SGCZ: variants seen among roughly 807,000 people sequenced by gnomAD.
SGCZ encodes the protein zeta-sarcoglycan.
Under a neutral mutation model 41.3 loss-of-function variants are expected in SGCZ, and 40 were observed. The observed-to-expected ratio is 0.97, with a 90% CI of 0.75 to 1.26. The LOEUF is 1.26. Among genes scored for constraint, SGCZ ranks in the 50% most tolerant of loss-of-function variants. SGCZ has a pLI of 0.00. For missense variants in SGCZ, 552 were observed against 369.8 expected (o/e 1.49, Z -4.04); for synonymous variants, 206 against 137.5 (o/e 1.50, Z -3.49).
chr8:14,458,718 T>A lies in SGCZ; in HGVS notation c.234+96014A>T, dbSNP rs116478319. On this transcript the variant is annotated intron_variant, in intron 2 of 7. Transcript: ENST00000382080. The stretch of plus-strand genomic sequence containing the variant: ...CTATCTATATATCTACCTACCTACC[T>A]ACCTATAATCTATCTATTTCCCAGC... 5.3e-3 allele frequency among the ~76,000 whole-genome samples: 807 copies of A among 152,266 alleles called. 4 individuals are homozygous for A. Among genetic ancestry groups the A allele is most frequent in the African/African-American group, 0.017 (719 of 41,544 alleles).
chr8:14,873,126 T>C (rs1379837112), intron 1 of SGCZ, among the ~76,000 whole-genome samples: 3 of 152,088 alleles, frequency 2.0e-5, no homozygotes, highest in Non-Finnish European at 2.9e-5. Context: ...GAGTGAAGTG[T>C]ATAAAAGTGA....
intron 2 of SGCZ, among the ~76,000 whole-genome samples, chr8:14,547,987 A>G (rs988759852): frequency 2.0e-5 from 3 of 152,204 alleles, no homozygotes; most frequent in African/African-American, 4.8e-5. Flanking sequence ...TTCACATGGC[A>G]GATAGGACCT....
At chr8:14,185,975 T>C (rs912985644) in intron 4 of SGCZ, among the ~76,000 whole-genome samples, 1 of 152,200 alleles carries the variant, frequency 6.6e-6, no homozygotes, top group Non-Finnish European at 1.5e-5. Flanking sequence ...TATGATTAGT[T>C]TGGATATCTA....
chr8:15,004,237 A>G (rs768988039), intron 1 of SGCZ, among the ~76,000 whole-genome samples: 10 of 152,166 alleles, frequency 6.6e-5, no homozygotes, highest in Non-Finnish European at 1.2e-4. Context: ...TGCACCAAGT[A>G]TAGATTTGAC....
At chr8:14,551,116 C>CTTT (rs75142255) in intron 2 of SGCZ, among the ~76,000 whole-genome samples, 1 of 137,594 alleles carries the variant, frequency 7.3e-6, no homozygotes, top group Non-Finnish European at 1.6e-5. Context: ...TATTGTAATT[C>CTTT]TTTTTTTTTT....
At chr8:15,144,095 T>C (rs943507716) in intron 1 of SGCZ, among the ~76,000 whole-genome samples, 5 of 151,416 alleles carry the variant, frequency 3.3e-5, no homozygotes, top group African/African-American at 1.2e-4. Context: ...TACCTTAACT[T>C]AGCAAAATAT....
At chr8:14,707,949 C>A (rs1054237540) in intron 1 of SGCZ, among the ~76,000 whole-genome samples, 6 of 151,816 alleles carry the variant, frequency 4.0e-5, no homozygotes, top group African/African-American at 1.5e-4. Context: ...GAGAATCAAG[C>A]ACAAATATAT....
intron 2 of SGCZ, among the ~76,000 whole-genome samples, chr8:14,457,822 C>A (rs1800791815): frequency 6.6e-6 from 1 of 152,184 alleles, no homozygotes; most frequent in African/African-American, 2.4e-5. Context: ...CCTGCCCCTT[C>A]TGCCTTGTAT....
At chr8:14,283,941 C>G (rs944234368) in intron 3 of SGCZ, among the ~76,000 whole-genome samples, 2 of 152,118 alleles carry the variant, frequency 1.3e-5, no homozygotes, top group African/African-American at 4.8e-5. Flanking sequence ...TATTTTGTTG[C>G]TTATTGGATA....
chr8:14,605,059 G>T (rs561441578), intron 1 of SGCZ, among the ~76,000 whole-genome samples: 1 of 152,046 alleles, frequency 6.6e-6, no homozygotes, highest in Admixed American at 6.5e-5. Flanking sequence ...TCCATTATTT[G>T]TTTCTAACTA....
intron 2 of SGCZ, among the ~76,000 whole-genome samples, chr8:14,550,251 A>G (rs1393187551): frequency 6.6e-6 from 1 of 151,762 alleles, no homozygotes; most frequent in Admixed American, 6.6e-5. Context: ...GATAATATAT[A>G]TTTTGTGCTA....
chr8:14,780,574 T>A (rs566948992), intron 1 of SGCZ, among the ~76,000 whole-genome samples: 1 of 152,002 alleles, frequency 6.6e-6, no homozygotes, highest in East Asian at 1.9e-4. Context: ...ATGAAAAAAA[T>A]ACTGAAGTTT....
In SGCZ at chr8:14,168,873, C is replaced by T. The variant is rs537291940; in HGVS notation, c.425-4171G>A. On this transcript the variant is annotated intron_variant, in intron 4 of 7. Coordinates refer to ENST00000382080, the MANE Select transcript of SGCZ (RefSeq NM_139167.4). Reference sequence around the variant, plus strand: ...ACAAAACTTCAAGTTAACCATTTAGCGGACTTACTATATGCTAGGCAGCAA... The same window carrying T: ...ACAAAACTTCAAGTTAACCATTTAGTGGACTTACTATATGCTAGGCAGCAA... 9.2e-5 allele frequency among the ~76,000 whole-genome samples: 14 copies of T among 152,208 alleles called. No individual in the cohort carries two copies. The South Asian group carries it at 2.5e-3, about 27-fold the overall frequency.
intron 1 of SGCZ, among the ~76,000 whole-genome samples, chr8:15,122,516 A>C (rs1173990940): frequency 6.6e-6 from 1 of 152,158 alleles, no homozygotes; most frequent in Non-Finnish European, 1.5e-5. Context: ...GGAAAGGATA[A>C]GCACAAATGA....
chr8:14,740,886 G>C (rs938960017), intron 1 of SGCZ, among the ~76,000 whole-genome samples: 1 of 151,914 alleles, frequency 6.6e-6, no homozygotes, highest in African/African-American at 2.4e-5. Flanking sequence ...AGTTGTTGGA[G>C]GTTTCTTCGC....
At chr8:15,024,925 G>A (rs1803396789) in intron 1 of SGCZ, among the ~76,000 whole-genome samples, 1 of 135,668 alleles carries the variant, frequency 7.4e-6, no homozygotes, top group Non-Finnish European at 1.6e-5. Flanking sequence ...GACAGAGTGA[G>A]ACTCCGTCTC....
intron 1 of SGCZ, among the ~76,000 whole-genome samples, chr8:14,582,630 G>T (rs1271748795): frequency 6.7e-6 from 1 of 148,916 alleles, no homozygotes; most frequent in Non-Finnish European, 1.5e-5. Flanking sequence ...TTAGCATTAG[G>T]TATATCTCCT....
At chr8:14,232,781 C>A (rs1361805180) in intron 4 of SGCZ, among the ~76,000 whole-genome samples, 1 of 152,074 alleles carries the variant, frequency 6.6e-6, no homozygotes, top group Non-Finnish European at 1.5e-5. Flanking sequence ...GGTGTTAGTT[C>A]ATTCAGAATT....
chr8:14,483,216 A>C (rs1801582481), intron 2 of SGCZ, among the ~76,000 whole-genome samples: 1 of 152,224 alleles, frequency 6.6e-6, no homozygotes, highest in Admixed American at 6.5e-5. Flanking sequence ...ACATGCCTTT[A>C]AAACAAAATC....
Sources: allele counts gnomAD v4.1 joint callset (sites outside exome capture counted in the v4.1 genomes callset), GRCh38; gene constraint gnomAD v4.1.1; transcripts MANE v1.5; gene names NCBI Gene and HGNC (gene_info 2026-07-23, HGNC 2026-07-21).